TOX: variants seen among roughly 807,000 people sequenced by gnomAD.
TOX encodes thymocyte selection-associated high mobility group box protein TOX.
A neutral mutation model predicts 53.7 loss-of-function variants in TOX; 11 were observed. The ratio of observed to expected loss-of-function variants is 0.20; its 90% CI spans 0.13 to 0.34. TOX has a LOEUF of 0.34. TOX is among the 10% of genes least tolerant of loss of function. The pLI is 1.00. For missense variants in TOX, 570 were observed against 664.6 expected (o/e 0.86, Z 1.56); for synonymous variants, 225 against 245.3 (o/e 0.92, Z 0.77).
intron 1 of TOX, among the ~76,000 whole-genome samples, chr8:59,039,234 T>G (rs1237643888): frequency 6.6e-6 from 1 of 152,216 alleles, no homozygotes; most frequent in Admixed American, 6.5e-5. Flanking sequence ...AATGTCAAAC[T>G]CAACCAACCT....
intron 6 of TOX, among the ~76,000 whole-genome samples, chr8:58,817,182 C>T (rs1194109668): frequency 6.6e-6 from 1 of 151,982 alleles, no homozygotes; most frequent in African/African-American, 2.4e-5. Flanking sequence ...GAAATAATTC[C>T]AGCCCCTTTG....
intron 7 of TOX, among the ~76,000 whole-genome samples, chr8:58,809,019 T>C (rs1476905901): frequency 6.6e-6 from 1 of 152,276 alleles, no homozygotes; most frequent in Non-Finnish European, 1.5e-5. Flanking sequence ...CTTTTAATCC[T>C]AGCGAAGCTA....
At chr8:58,892,448 C>T (rs987833436) in intron 3 of TOX, among the ~76,000 whole-genome samples, 2 of 152,080 alleles carry the variant, frequency 1.3e-5, no homozygotes, top group African/African-American at 4.8e-5. Context: ...AAACATAAAC[C>T]TGAACTGCCC....
chr8:59,048,912 A>C (rs1276046981), intron 1 of TOX, among the ~76,000 whole-genome samples: 1 of 152,206 alleles, frequency 6.6e-6, no homozygotes, highest in African/African-American at 2.4e-5. Flanking sequence ...AGCATAAGAG[A>C]TATTAATATA....
At chr8:59,051,851 A>G (rs116253789) in intron 1 of TOX, among the ~76,000 whole-genome samples, 35 of 152,268 alleles carry the variant, frequency 2.3e-4, no homozygotes, top group African/African-American at 8.4e-4. Flanking sequence ...GTTTGTCTCT[A>G]TTAAAAAATT....
intron 1 of TOX, among the ~76,000 whole-genome samples, chr8:59,100,563 G>T (rs964403369): frequency 2.0e-5 from 3 of 152,192 alleles, no homozygotes; most frequent in Non-Finnish European, 4.4e-5. Flanking sequence ...GGGAAGAAAT[G>T]AGATGGTAAG....
chr8:58,937,131 C>A (rs574741677), intron 3 of TOX, among the ~76,000 whole-genome samples: 1 of 152,172 alleles, frequency 6.6e-6, no homozygotes, highest in East Asian at 1.9e-4. Context: ...GCACAGGAGA[C>A]GTGCAGCTCC....
intron 1 of TOX, among the ~76,000 whole-genome samples, chr8:59,064,220 T>C (rs1472810733): frequency 6.6e-6 from 1 of 151,928 alleles, no homozygotes; most frequent in East Asian, 1.9e-4. Context: ...GCAAAGCTAT[T>C]AACATATATA....
rs78904701 is a variant in TOX at position 59,044,230 on chromosome 8, C to CAAAAAAAA, written c.102+74648_102+74655dup. 4.7e-4 allele frequency among the ~76,000 whole-genome samples: 54 copies of CAAAAAAAA among 114,044 alleles called. 2 individuals are homozygous for CAAAAAAAA. In the East Asian group the frequency reaches 5.4e-3, roughly 11 times the overall value. The allele number at this position is 114,044 out of a possible 152,430, so 74.8% of individuals were successfully genotyped here. A position where few individuals can be genotyped will look rare whatever the true frequency, so the allele number is the denominator to read the frequency against. ...CCATTTTCCCTTTCATGGCACTCAT[C>CAAAAAAAA]AAAAAAAAAAAAAAAAGGTGGACGA... On this transcript the variant is annotated intron_variant, in intron 1 of 8. Coordinates refer to ENST00000361421, the MANE Select transcript of TOX (RefSeq NM_014729.3).
intron 3 of TOX, among the ~76,000 whole-genome samples, chr8:58,907,519 C>A (rs553849326): frequency 1.3e-5 from 2 of 152,086 alleles, no homozygotes; most frequent in South Asian, 4.2e-4. Context: ...TGCTTGAACC[C>A]AAGAGGCGGA....
At chr8:58,822,159 T>C (rs1055022237) in intron 6 of TOX, among the ~76,000 whole-genome samples, 3 of 152,228 alleles carry the variant, frequency 2.0e-5, no homozygotes, top group Non-Finnish European at 4.4e-5. Context: ...TCAGATTAAA[T>C]TAATCTAATT....
intron 1 of TOX, among the ~76,000 whole-genome samples, chr8:59,087,842 T>C (rs1804540382): frequency 6.6e-6 from 1 of 152,204 alleles, no homozygotes; most frequent in Non-Finnish European, 1.5e-5. Context: ...CAGGATCTAA[T>C]TTTGCCATGT....
In TOX at chr8:58,988,090, T is replaced by C. The variant is rs551665736; in HGVS notation, c.103-28082A>G. The stretch of plus-strand genomic sequence containing the variant: ...GCAAACTTCAGATGAAAAAATACTA[T>C]CTATAAAGTAAACATTGGATGAACA... On this transcript the variant is annotated intron_variant, in intron 1 of 8. Coordinates refer to ENST00000361421, the MANE Select transcript of TOX (RefSeq NM_014729.3). Among the ~76,000 whole-genome samples, 289 of 152,192 alleles carry C rather than the reference T, an allele frequency of 1.9e-3. 2 individuals carry two copies. Among genetic ancestry groups the C allele is most frequent in the Non-Finnish European group, 2.6e-3 (177 of 68,000 alleles).
At chr8:58,836,782 G>C (rs1282414103) in intron 5 of TOX, among the ~76,000 whole-genome samples, 1 of 152,172 alleles carries the variant, frequency 6.6e-6, no homozygotes, top group African/African-American at 2.4e-5. Context: ...TTTTATTCAT[G>C]GTAATTCTAG....
At chr8:59,020,347 C>T (rs1173880828) in intron 1 of TOX, among the ~76,000 whole-genome samples, 1 of 152,156 alleles carries the variant, frequency 6.6e-6, no homozygotes, top group African/African-American at 2.4e-5. Flanking sequence ...TTTGTCATTT[C>T]CATGATGTCC....
intron 2 of TOX, among the ~76,000 whole-genome samples, chr8:58,941,680 G>A (rs752953872): frequency 3.3e-5 from 5 of 152,052 alleles, no homozygotes; most frequent in Non-Finnish European, 7.4e-5. Context: ...TATGAACATA[G>A]ATTTCATAAT....
intron 3 of TOX, among the ~76,000 whole-genome samples, chr8:58,859,422 A>T (rs1182841347): frequency 1.3e-5 from 2 of 152,154 alleles, no homozygotes; most frequent in Admixed American, 6.5e-5. Flanking sequence ...TAATATTTGG[A>T]ATCTTCGCTT....
At chr8:58,846,564 G>A (rs1432044444) in intron 4 of TOX, among the ~76,000 whole-genome samples, 2 of 152,210 alleles carry the variant, frequency 1.3e-5, no homozygotes, top group African/African-American at 2.4e-5. Flanking sequence ...TTTAATTGCT[G>A]CTCTAGTGAT....
rs190354138 is a variant in TOX, at chr8:58,973,314, A to C, written c.103-13306T>G. 4.0e-3 allele frequency among the ~76,000 whole-genome samples: 608 copies of C among 152,276 alleles called. 4 individuals are homozygous for C. Among genetic ancestry groups the C allele is most frequent in the Non-Finnish European group, 5.5e-3 (377 of 68,004 alleles). On this transcript the variant is annotated intron_variant, in intron 1 of 8. Transcript: ENST00000361421. ...GCATTTGTAACAATCCATTTGTATT[A>C]GTGGTTCCAAAAGCTAATGTGGTTT... is the stretch of plus-strand genomic sequence containing the variant.
Sources: allele counts gnomAD v4.1 joint callset (sites outside exome capture counted in the v4.1 genomes callset), GRCh38; gene constraint gnomAD v4.1.1; transcripts MANE v1.5; gene names NCBI Gene and HGNC (gene_info 2026-07-23, HGNC 2026-07-21).